The following RIC3 variants were observed in gnomAD, a reference collection of about 807,000 sequenced individuals.
RIC3 encodes RIC3 acetylcholine receptor chaperone.
Under a neutral mutation model 27.3 loss-of-function variants are expected in RIC3, and 28 were observed. The observed-to-expected ratio is 1.02, with a 90% CI of 0.76 to 1.41. The LOEUF (loss-of-function observed/expected upper bound fraction) is 1.41, where lower values mean the gene tolerates loss of function less well. RIC3 is among the 40% of genes most tolerant of loss of function. The pLI, the probability that RIC3 is intolerant of heterozygous loss-of-function variation, is 0.00. For synonymous variants in RIC3, 184 were observed against 160.4 expected (o/e 1.15, Z -1.11); for missense variants, 501 against 444.7 (o/e 1.13, Z -1.14).
chr11:8,153,524 C>T (rs1381354874), intron 1 of RIC3: 1 of 366,158 alleles, frequency 2.7e-6, no homozygotes, highest in East Asian at 8.4e-5. Flanking sequence ...ATCTCTATGG[C>T]ACATTACTCT....
At chr11:8,151,396 G>A (rs1043917882) in intron 1 of RIC3, among the ~76,000 whole-genome samples, 3 of 151,166 alleles carry the variant, frequency 2.0e-5, no homozygotes, top group African/African-American at 4.9e-5. Context: ...GACCATCCTG[G>A]CTAACACGGT....
chr11:8,141,309 G>A (rs1949036678), intron 1 of RIC3, among the ~76,000 whole-genome samples: 1 of 151,870 alleles, frequency 6.6e-6, no homozygotes, highest in Non-Finnish European at 1.5e-5. Context: ...GACACACATA[G>A]GCTCAAAATA....
chr11:8,132,065 T>C (rs578066742), intron 4 of RIC3, among the ~76,000 whole-genome samples: 11 of 152,288 alleles, frequency 7.2e-5, no homozygotes, highest in African/African-American at 2.6e-4. Context: ...ACATACATAG[T>C]TGACATGCCT....
chr11:8,108,244 C>G lies in RIC3; in HGVS notation c.*2454G>C, dbSNP rs1944887999. The G allele has an allele frequency of 6.6e-6, 1 of 152,168 alleles. No individual in the cohort carries two copies. 9.4% of individuals were successfully genotyped at this position (152,168 alleles called of 1,614,324 possible). A position where few individuals can be genotyped will look rare whatever the true frequency, so the allele number is the denominator to read the frequency against. The stretch of plus-strand genomic sequence containing the variant: ...AAATACTTGAACATCCATGTATTTT[C>G]ACACCCTACTGCTTTTTTCAACAAC... On this transcript the variant is annotated 3_prime_UTR_variant, in exon 6 of 6. Coordinates refer to ENST00000309737, the MANE Select transcript of RIC3 (RefSeq NM_001206671.4).
In RIC3 at chr11:8,155,909, C is replaced by T. The variant is rs553999999; in HGVS notation, c.124+12957G>A. ...GCATTACTTGAAGTAGAAGCCAAGA[C>T]AATAGCTGTTTCTTCCTCACCGGTC... On this transcript the variant is annotated intron_variant, in intron 1 of 5. Transcript: ENST00000309737. Among the ~76,000 whole-genome samples the T allele has an allele frequency of 2.0e-5, 3 of 152,302 alleles. No individual in the cohort carries two copies. In the East Asian group the frequency reaches 5.8e-4, roughly 29 times the overall value.
chr11:8,100,363 G>T, the RIC3 span: 1 of 688,124 alleles, frequency 1.5e-6, no homozygotes, highest in Non-Finnish European at 2.6e-6. Context: ...TTCTGGCCGT[G>T]TTAGGTTTAG....
intron 1 of RIC3, among the ~76,000 whole-genome samples, chr11:8,159,100 T>C (rs920406518): frequency 2.0e-5 from 3 of 150,916 alleles, no homozygotes; most frequent in African/African-American, 7.3e-5. Flanking sequence ...GGAGAAAAAA[T>C]AAGACAGGGA....
At chr11:8,164,309 A>G (rs1358290335) in intron 1 of RIC3, among the ~76,000 whole-genome samples, 1 of 152,234 alleles carries the variant, frequency 6.6e-6, no homozygotes, top group Non-Finnish European at 1.5e-5. Context: ...GGAGAAACAA[A>G]AGAAAAAAGT....
At chr11:8,147,651 A>G (rs376409245) in intron 1 of RIC3, among the ~76,000 whole-genome samples, 26 of 152,200 alleles carry the variant, frequency 1.7e-4, no homozygotes, top group African/African-American at 6.3e-4. Flanking sequence ...GGGGTGAAAT[A>G]AAACCCCTCT....
chr11:8,133,663 G>A lies in RIC3; in HGVS notation c.521+3715C>T, dbSNP rs578028254. 3.1e-4 allele frequency among the ~76,000 whole-genome samples: 47 copies of A among 152,282 alleles called. 1 individual carries two copies. The highest frequency in any genetic ancestry group is 2.7e-3 in the Admixed American group (41 of 15,290). On this transcript the variant is annotated intron_variant, in intron 4 of 5. Transcript: ENST00000309737. ...GTAAACATTCTGGGCTAGAACCTGT[G>A]GCCCCTGAAATGAGACAGTACAACT...
At chr11:8,154,511 C>CT (rs1466835109) in intron 1 of RIC3, among the ~76,000 whole-genome samples, 2 of 152,198 alleles carry the variant, frequency 1.3e-5, no homozygotes, top group African/African-American at 4.8e-5. Flanking sequence ...ACACATGCTT[C>CT]TCCAACTTTC....
intron 5 of RIC3, among the ~76,000 whole-genome samples, chr11:8,112,487 G>T (rs997873244): frequency 4.6e-5 from 7 of 151,966 alleles, no homozygotes; most frequent in African/African-American, 1.7e-4. Context: ...CAGAGACGGG[G>T]TTTCACTATG....
downstream of RIC3, chr11:8,103,402 A>G (rs1200338768): frequency 6.6e-6 from 1 of 152,260 alleles, no homozygotes; most frequent in East Asian, 1.9e-4. Flanking sequence ...TTTTTAAAAT[A>G]GAAGTTGTAT....
the RIC3 span, chr11:8,099,025 G>A: frequency 9.0e-6 from 6 of 666,360 alleles, no homozygotes; most frequent in Admixed American, 1.5e-4. Flanking sequence ...CCTGGCCTAG[G>A]ACAGGGGCTC....
intron 1 of RIC3, among the ~76,000 whole-genome samples, chr11:8,142,977 AC>A (rs759869811): frequency 1.0e-5 from 1 of 97,754 alleles, no homozygotes; most frequent in Non-Finnish European, 1.8e-5. Context: ...AAATTCAACA[AC>A]CCTTCATGCT....
chr11:8,150,323 T>C (rs1950102273), intron 1 of RIC3, among the ~76,000 whole-genome samples: 1 of 152,230 alleles, frequency 6.6e-6, no homozygotes, highest in African/African-American at 2.4e-5. Flanking sequence ...CAAGGTTTAT[T>C]ACCATGTAAT....
chr11:8,098,026 C>G, the RIC3 span, among the ~76,000 whole-genome samples: 1 of 152,136 alleles, frequency 6.6e-6, no homozygotes, highest in Admixed American at 6.5e-5. Context: ...GAATCACACA[C>G]CCGACCCCAA....
intron 4 of RIC3, among the ~76,000 whole-genome samples, chr11:8,133,329 T>C (rs987425045): frequency 9.9e-5 from 15 of 152,216 alleles, no homozygotes; most frequent in Admixed American, 2.0e-4. Flanking sequence ...TATTCAGTTA[T>C]ACCAACAGAA....
At position 8,169,023 on chromosome 11, in the gene RIC3, G is replaced by GCCGGAACCGGAA; in HGVS notation, c.-35_-34insTTCCGGTTCCGG. 7 of 1,517,724 alleles carry GCCGGAACCGGAA rather than the reference G, an allele frequency of 4.6e-6. No homozygotes were observed. The highest frequency in any genetic ancestry group is 1.5e-5 in the African/African-American group (1 of 66,598). The allele number at this position is 1,517,724 out of a possible 1,614,324, so 94.0% of individuals were successfully genotyped here. A position where few individuals can be genotyped will look rare whatever the true frequency, so the allele number is the denominator to read the frequency against. ...ACGGTGGTCGCAGGTGCAGACGCCA[G>GCCGGAACCGGAA]CCGGAACCGGAACCGGAACCGGAGC... On this transcript the variant is annotated 5_prime_UTR_variant, in exon 1 of 6. Transcript: ENST00000309737.
Sources: gnomAD v4.1 joint callset for allele counts (sites outside exome capture counted in the v4.1 genomes callset) on GRCh38, gnomAD v4.1.1 for gene constraint, MANE v1.5 for transcripts, NCBI Gene and HGNC (gene_info 2026-07-23, HGNC 2026-07-21) for gene names.